The following PLCG2 variants were observed in gnomAD, a reference collection of about 807,000 sequenced individuals.
PLCG2 encodes the protein 1-phosphatidylinositol 4,5-bisphosphate phosphodiesterase gamma-2.
Under a neutral mutation model 175.6 loss-of-function variants are expected in PLCG2, and 69 were observed. That is an observed-to-expected ratio of 0.39 (90% CI 0.32 to 0.48). The LOEUF is 0.48. Among genes scored for constraint, PLCG2 ranks in the 20% least tolerant of loss-of-function variants. The probability of loss-of-function intolerance (pLI) is 0.91; values close to 1 mark genes in which losing one functional copy is unlikely to be tolerated. For missense variants in PLCG2, 1,798 were observed against 1,650.9 expected (o/e 1.09, Z -1.54); for synonymous variants, 827 against 624.0 (o/e 1.33, Z -4.85).
chr16:81,882,572 A>T (rs535452463), intron 8 of PLCG2, among the ~76,000 whole-genome samples: 1 of 151,908 alleles, frequency 6.6e-6, no homozygotes, highest in Non-Finnish European at 1.5e-5. Flanking sequence ...GCACACTCAC[A>T]TCCCTGTGTT....
At chr16:81,776,084 T>TTTCTTTCTTTCTTGCTTTCTTG (rs56837530), upstream of PLCG2, among the ~76,000 whole-genome samples, 1 of 46,394 alleles carries the variant, frequency 2.2e-5, no homozygotes, top group Non-Finnish European at 5.4e-5. Context: ...TCTCTCTCTC[T>TTTCTTTCTTTCTTGCTTTCTTG]CTCTCTTTCT....
chr16:81,939,077 A>G (rs559893051), intron 29 of PLCG2, among the ~76,000 whole-genome samples, 162 bp downstream of exon 29: 2 of 152,054 alleles, frequency 1.3e-5, no homozygotes, highest in South Asian at 4.2e-4. Flanking sequence ...GATACATACA[A>G]AGGGCCACTT....
In PLCG2 at chr16:81,931,574, G is replaced by A. The variant is rs1179741687; in HGVS notation, c.2659G>A (p.Glu887Lys). 3.1e-6 allele frequency: 5 copies of A among 1,613,988 alleles called. No individual in the cohort carries two copies. The highest frequency in any genetic ancestry group is 4.2e-6 in the Non-Finnish European group (5 of 1,180,008). ...CAAGCAGCAGGGCGATCCTCCGGTG[G>A]AGTTTGCCACAGACAGGGTGGAGGA... is the stretch of plus-strand genomic sequence containing the variant. Reference protein sequence around the residue: ...EPKQQGDPPVEFATDRVEELF... With the variant: ...EPKQQGDPPVKFATDRVEELF... The change falls in exon 25 of 33, where the codon GAG (glutamate) becomes AAG (lysine). Residue 887 changes from glutamate to lysine, a missense_variant. Coordinates refer to ENST00000564138, the MANE Select transcript of PLCG2 (RefSeq NM_002661.5).
chr16:81,760,604 G>A (rs1385088828), intron 2 of PLCG2, among the ~76,000 whole-genome samples: 1 of 151,986 alleles, frequency 6.6e-6, no homozygotes, highest in Admixed American at 6.6e-5. Flanking sequence ...AAGAATGGCA[G>A]AGCCCACTAC....
At position 81,912,818 on chromosome 16, in the gene PLCG2, C is replaced by T. The variant is rs4243222; in HGVS notation, c.2054+102C>T. ...TCAGGTGGAGGCTCACCTGCAGTGC[C>T]CTGCCCCCCCAGCATCAGCGACAAC... On this transcript the variant is annotated intron_variant, in intron 19 of 32. Coordinates refer to ENST00000564138, the MANE Select transcript of PLCG2 (RefSeq NM_002661.5). 560,552 of 1,362,344 alleles carry T rather than the reference C, an allele frequency of 0.41. 119,602 individuals carry two copies. Among genetic ancestry groups the T allele is most frequent in the East Asian group, 0.77 (29,886 of 38,948 alleles). The allele number at this position is 1,362,344 out of a possible 1,614,324, so 84.4% of individuals were successfully genotyped here.
intron 2 of PLCG2, among the ~76,000 whole-genome samples, chr16:81,815,118 T>G (rs1904485888): frequency 6.6e-6 from 1 of 152,196 alleles, no homozygotes; most frequent in South Asian, 2.1e-4. Flanking sequence ...GGAATGATAA[T>G]TGGGGAATTT....
At chr16:81,834,690 G>A (rs973775123) in intron 2 of PLCG2, among the ~76,000 whole-genome samples, 2 of 152,290 alleles carry the variant, frequency 1.3e-5, no homozygotes, top group East Asian at 3.9e-4. Context: ...CTGGGACAGG[G>A]TGAGATCTGA....
intron 2 of PLCG2, among the ~76,000 whole-genome samples, chr16:81,797,672 T>C (rs892394218): frequency 2.6e-5 from 4 of 152,238 alleles, no homozygotes; most frequent in Non-Finnish European, 4.4e-5. Flanking sequence ...TTCCGGTTTC[T>C]TCCTAACCAT....
At chr16:81,937,543 T>G in intron 27 of PLCG2, 1 of 432,572 alleles carries the variant, frequency 2.3e-6, no homozygotes, top group Non-Finnish European at 4.1e-6. Context: ...CTTTTATGAT[T>G]CGGGATTTGG....
chr16:81,785,624 T>C (rs1048654227), intron 1 of PLCG2: 1 of 180,842 alleles, frequency 5.5e-6, no homozygotes, highest in Admixed American at 5.7e-5. Context: ...CTGCTTTGGC[T>C]ATTCAAATAT....
chr16:81,769,085 G>A (rs1202981825), intron 2 of PLCG2, among the ~76,000 whole-genome samples: 1 of 152,214 alleles, frequency 6.6e-6, no homozygotes, highest in East Asian at 1.9e-4. Context: ...TTTCTTGACT[G>A]CATGAATGAG....
At chr16:81,834,940 GT>G (rs1165389461) in intron 2 of PLCG2, among the ~76,000 whole-genome samples, 1 of 152,214 alleles carries the variant, frequency 6.6e-6, no homozygotes, top group Non-Finnish European at 1.5e-5. Flanking sequence ...AAAGTGCCAA[GT>G]CCTTGCTGTA....
intron 1 of PLCG2, among the ~76,000 whole-genome samples, chr16:81,782,698 C>A (rs910723819): frequency 6.6e-6 from 1 of 152,200 alleles, no homozygotes; most frequent in East Asian, 1.9e-4. Flanking sequence ...AAGTTTTTCT[C>A]TTCAGTGCTC....
At chr16:81,955,104 A>T (rs1249336020) in intron 31 of PLCG2, among the ~76,000 whole-genome samples, 1 of 152,158 alleles carries the variant, frequency 6.6e-6, no homozygotes, top group East Asian at 1.9e-4. Flanking sequence ...TGATACATTC[A>T]CTTAATCACC....
chr16:81,951,711 A>G (rs1377114820), intron 31 of PLCG2, among the ~76,000 whole-genome samples: 1 of 152,244 alleles, frequency 6.6e-6, no homozygotes, highest in African/African-American at 2.4e-5. Context: ...GCTGTTTACT[A>G]GAAGAGCAAT....
chr16:81,772,880 A>C (rs2143113742), intron 2 of PLCG2, among the ~76,000 whole-genome samples: 2 of 152,282 alleles, frequency 1.3e-5, no homozygotes, highest in South Asian at 4.1e-4. Context: ...AACAAAAGGG[A>C]GACCTTCGGA....
chr16:81,895,009 A>T (rs761088367), intron 12 of PLCG2, among the ~76,000 whole-genome samples: 21 of 152,222 alleles, frequency 1.4e-4, no homozygotes, highest in Non-Finnish European at 3.1e-4. Context: ...CTTCCCGTTT[A>T]TGATTTTTCT....
At position 81,938,826 on chromosome 16, in the gene PLCG2, A is replaced by C; in HGVS notation, c.3224A>C (p.Lys1075Thr). The C allele has an allele frequency of 1.2e-6, 2 of 1,612,526 alleles. No homozygotes were observed. The highest frequency in any genetic ancestry group is 1.7e-6 in the Non-Finnish European group (2 of 1,179,366). The change falls in exon 29 of 33, where the codon AAA (lysine) becomes ACA (threonine). Residue 1075 changes from lysine to threonine, a missense_variant. Physicochemically the swap from Lys to Thr is moderately conservative, Grantham distance 78 (BLOSUM62 -1). Transcript: ENST00000564138. The stretch of plus-strand genomic sequence containing the variant: ...GTTCTCGGTGCTCGCCATCTCCCCA[A>C]ACTTGGACGAAGTATTGCCTGTCCC... ...VKVLGARHLP[K>T]LGRSIACPFV...
intron 2 of PLCG2, among the ~76,000 whole-genome samples, chr16:81,846,733 A>C (rs1224724125): frequency 6.6e-6 from 1 of 152,186 alleles, no homozygotes; most frequent in Non-Finnish European, 1.5e-5. Context: ...CACAATCCCA[A>C]CCAAAATCTA....
Sources: allele counts gnomAD v4.1 joint callset (sites outside exome capture counted in the v4.1 genomes callset), GRCh38; gene constraint gnomAD v4.1.1; transcripts MANE v1.5; gene names NCBI Gene and HGNC (gene_info 2026-07-23, HGNC 2026-07-21).